Variants in VWC2 observed in about 807,000 individuals in gnomAD.
VWC2 encodes brorin.
A neutral mutation model predicts 29.8 loss-of-function variants in VWC2; 14 were observed. The ratio of observed to expected loss-of-function variants is 0.47; its 90% confidence interval spans 0.31 to 0.74. The LOEUF is 0.74. Among genes scored for constraint, VWC2 ranks in the 30% least tolerant of loss-of-function variants. VWC2 has a pLI of 0.05. For synonymous variants in VWC2, 213 were observed against 199.0 expected, an observed-to-expected ratio of 1.07 and a Z score of -0.59; for missense variants, 457 against 459.8, an observed-to-expected ratio of 0.99 and a Z score of 0.05.
In VWC2 at chr7:49,917,781, T is replaced by C. The variant is rs562667354; in HGVS notation, c.*5596T>C. 1 of 152,218 alleles carries C rather than the reference T, an allele frequency of 6.6e-6. No homozygotes were observed. Among genetic ancestry groups the C allele is most frequent in the South Asian group, 2.1e-4 (1 of 4,826 alleles). The allele number at this position is 152,218 out of a possible 1,614,324, so 9.4% of individuals were successfully genotyped here. Reference sequence around the variant, plus strand: ...TTATTTTATTTAATGATTAATATTTTCTATTATTTGAATTTCTGTAATTTA... The same window carrying C: ...TTATTTTATTTAATGATTAATATTTCCTATTATTTGAATTTCTGTAATTTA... On this transcript the variant is annotated 3_prime_UTR_variant, in exon 4 of 4. Transcript: ENST00000340652.
chr7:49,776,940 C>G (rs750601136), intron 2 of VWC2, among the ~76,000 whole-genome samples: 1 of 152,250 alleles, frequency 6.6e-6, no homozygotes, highest in Non-Finnish European at 1.5e-5. Flanking sequence ...TCAAACTAAG[C>G]AGTTCTACTC....
chr7:49,843,881 T>C (rs1432558155), intron 3 of VWC2, among the ~76,000 whole-genome samples: 3 of 152,078 alleles, frequency 2.0e-5, no homozygotes, highest in Non-Finnish European at 4.4e-5. Context: ...AGAAGACCAA[T>C]GGTAATAATC....
At chr7:49,883,476 A>C (rs950904476) in intron 3 of VWC2, among the ~76,000 whole-genome samples, 6 of 152,234 alleles carry the variant, frequency 3.9e-5, no homozygotes, top group Non-Finnish European at 7.3e-5. Context: ...CATTAGATTT[A>C]AACTAACTCA....
chr7:49,788,955 G>A (rs2128703188), intron 2 of VWC2, among the ~76,000 whole-genome samples: 1 of 149,362 alleles, frequency 6.7e-6, no homozygotes, highest in Non-Finnish European at 1.5e-5. Flanking sequence ...GTGGGTGCAT[G>A]TGTGTGCATG....
intron 3 of VWC2, among the ~76,000 whole-genome samples, chr7:49,857,205 G>A (rs1460101795): frequency 6.6e-6 from 1 of 151,852 alleles, no homozygotes; most frequent in Non-Finnish European, 1.5e-5. Context: ...CCCAACCCCT[G>A]GCAACCACCA....
intron 3 of VWC2, among the ~76,000 whole-genome samples, chr7:49,813,879 G>A (rs1246270473): frequency 6.6e-6 from 1 of 152,112 alleles, no homozygotes; most frequent in African/African-American, 2.4e-5. Context: ...AGAACCATAG[G>A]AAGCATTAGC....
At chr7:49,787,759 G>A (rs1047452054) in intron 2 of VWC2, among the ~76,000 whole-genome samples, 1 of 152,228 alleles carries the variant, frequency 6.6e-6, no homozygotes, top group African/African-American at 2.4e-5. Flanking sequence ...AGAGAGACAG[G>A]CAGCTGAGGG....
intron 3 of VWC2, among the ~76,000 whole-genome samples, chr7:49,846,647 G>T (rs1184230198): frequency 6.6e-6 from 1 of 152,124 alleles, no homozygotes; most frequent in Non-Finnish European, 1.5e-5. Context: ...TTTCCTGCAT[G>T]AAACTGTGAG....
chr7:49,873,613 GC>G (rs1179862982), intron 3 of VWC2, among the ~76,000 whole-genome samples: 1 of 152,276 alleles, frequency 6.6e-6, no homozygotes, highest in East Asian at 1.9e-4. Context: ...AAAAAAGTTT[GC>G]CAGTATATTT....
At chr7:49,799,436 C>A (rs1398930035) in intron 2 of VWC2, among the ~76,000 whole-genome samples, 1 of 152,216 alleles carries the variant, frequency 6.6e-6, no homozygotes, top group Non-Finnish European at 1.5e-5. Flanking sequence ...ACTAGCAGGG[C>A]ACCTGGCTGG....
At chr7:49,864,240 G>C (rs142773730) in intron 3 of VWC2, among the ~76,000 whole-genome samples, 1 of 152,132 alleles carries the variant, frequency 6.6e-6, no homozygotes, top group African/African-American at 2.4e-5. Context: ...AAGGGAAAGA[G>C]AGGAAGACAG....
chr7:49,817,504 A>G (rs1388422281), intron 3 of VWC2, among the ~76,000 whole-genome samples: 2 of 152,198 alleles, frequency 1.3e-5, no homozygotes, highest in Non-Finnish European at 2.9e-5. Context: ...GAATAAGCCA[A>G]TGAATATTCT....
At chr7:49,886,315 G>T (rs1010635871) in intron 3 of VWC2, among the ~76,000 whole-genome samples, 1 of 151,356 alleles carries the variant, frequency 6.6e-6, no homozygotes, top group African/African-American at 2.5e-5. Flanking sequence ...ATTTGGAAGC[G>T]CAAAATTCAC....
At position 49,877,482 on chromosome 7, in the gene VWC2, ATATATATATATATAT is replaced by A. The variant is rs1473075522; in HGVS notation, c.827-34551_827-34537del. ...TGTCTCAAAAAAAAAAAAAAAAAAA[ATATATATATATATAT>A]ATATATATATATATATATATAGTTA... On this transcript the variant is annotated intron_variant, in intron 3 of 3. Transcript: ENST00000340652. Among the ~76,000 whole-genome samples the A allele has an allele frequency of 3.4e-4, 7 of 20,342 alleles. 2 individuals are homozygous for A. The highest frequency in any genetic ancestry group is 6.3e-4 in the African/African-American group (4 of 6,328). 13.3% of individuals were successfully genotyped at this position (20,342 alleles called of 152,430 possible).
intron 3 of VWC2, among the ~76,000 whole-genome samples, chr7:49,887,584 T>TCAGATGTCAATGG (rs1349046074): frequency 6.6e-6 from 1 of 152,214 alleles, no homozygotes; most frequent in Non-Finnish European, 1.5e-5. Context: ...TGTATGATAA[T>TCAGATGTCAATGG]CAGATGTCAA....
intron 3 of VWC2, among the ~76,000 whole-genome samples, chr7:49,874,274 T>C (rs1791302160): frequency 6.6e-6 from 1 of 152,222 alleles, no homozygotes; most frequent in African/African-American, 2.4e-5. Context: ...ATTACAATAC[T>C]GCATTTTTAC....
At chr7:49,873,969 A>G (rs1034016461) in intron 3 of VWC2, among the ~76,000 whole-genome samples, 1 of 152,084 alleles carries the variant, frequency 6.6e-6, no homozygotes, top group African/African-American at 2.4e-5. Context: ...ATTTATTGCA[A>G]ATTCAAAGAA....
intron 3 of VWC2, among the ~76,000 whole-genome samples, chr7:49,805,720 C>T (rs1287344051): frequency 6.6e-6 from 1 of 152,156 alleles, no homozygotes; most frequent in African/African-American, 2.4e-5. Flanking sequence ...TGATATATCA[C>T]AGATTAGAGG....
intron 3 of VWC2, among the ~76,000 whole-genome samples, chr7:49,862,009 T>C (rs1185911943): frequency 6.6e-6 from 1 of 152,184 alleles, no homozygotes; most frequent in East Asian, 1.9e-4. Flanking sequence ...TCCATTTCCA[T>C]AAAAAATGGT....
Sources: allele counts gnomAD v4.1 joint callset (sites outside exome capture counted in the v4.1 genomes callset), GRCh38; gene constraint gnomAD v4.1.1; transcripts MANE v1.5; gene names NCBI Gene and HGNC (gene_info 2026-07-23, HGNC 2026-07-21).